Variants in EPHA6 observed in about 807,000 individuals in gnomAD.
EPHA6 encodes ephrin type-A receptor 6.
Under a neutral mutation model 112.0 loss-of-function variants are expected in EPHA6, and 50 were observed. The observed-to-expected ratio is 0.45, with a 90% CI of 0.36 to 0.56. The LOEUF is 0.56. Ranked by LOEUF, EPHA6 falls within the 20% of genes least tolerant of loss-of-function variation. EPHA6 has a pLI of 0.00. For synonymous variants in EPHA6, 529 were observed against 490.7 expected, an observed-to-expected ratio of 1.08 and a Z score of -1.03; for missense variants, 1,280 against 1,417.4, an observed-to-expected ratio of 0.90 and a Z score of 1.56.
chr3:97,353,666 C>A (rs1045987843), intron 5 of EPHA6, among the ~76,000 whole-genome samples: 4 of 152,158 alleles, frequency 2.6e-5, no homozygotes, highest in Non-Finnish European at 5.9e-5. Flanking sequence ...TCCCAGACAG[C>A]ATTTCTGGAC....
chr3:97,438,844 C>A (rs762432388), intron 6 of EPHA6, among the ~76,000 whole-genome samples: 3 of 152,010 alleles, frequency 2.0e-5, no homozygotes, highest in Non-Finnish European at 2.9e-5. Context: ...CAAGCTTGAC[C>A]CTTTGATATA....
rs142108713 is a variant in EPHA6, at chr3:96,817,481, G to C, written c.385+2473G>C. ...AAAGATAAATGTAAAATATAAATTTGATTTATTATACACATAAAAATAAAC... is the reference window on the plus strand; with the variant it reads ...AAAGATAAATGTAAAATATAAATTTCATTTATTATACACATAAAAATAAAC... On this transcript the variant is annotated intron_variant, in intron 1 of 17. Coordinates refer to ENST00000389672, the MANE Select transcript of EPHA6 (RefSeq NM_001080448.3). 5.4e-3 allele frequency among the ~76,000 whole-genome samples: 813 copies of C among 151,710 alleles called. 6 individuals are homozygous for C. The highest frequency in any genetic ancestry group is 0.018 in the African/African-American group (761 of 41,486).
chr3:97,304,283 G>C (rs764823550), intron 5 of EPHA6, among the ~76,000 whole-genome samples: 1 of 151,816 alleles, frequency 6.6e-6, no homozygotes, highest in Non-Finnish European at 1.5e-5. Flanking sequence ...ATACTATATT[G>C]AATAAGAGTA....
chr3:96,896,391 A>G (rs1207275422), intron 2 of EPHA6, among the ~76,000 whole-genome samples: 1 of 152,162 alleles, frequency 6.6e-6, no homozygotes, highest in Non-Finnish European at 1.5e-5. Context: ...CAGACTGCAC[A>G]GCACTTTCTT....
At chr3:97,291,901 C>G (rs1360922153) in intron 5 of EPHA6, among the ~76,000 whole-genome samples, 1 of 152,220 alleles carries the variant, frequency 6.6e-6, no homozygotes, top group South Asian at 2.1e-4. Flanking sequence ...TTTGCTTGTG[C>G]CTGCTGGACT....
At position 96,835,768 on chromosome 3, in the gene EPHA6, G is replaced by A. The variant is rs571095682; in HGVS notation, c.385+20760G>A. The stretch of plus-strand genomic sequence containing the variant: ...TAAACAAGACTTGCAATGAATTTTG[G>A]ATACCTTTCTTCTTACTCTTGTGAA... On this transcript the variant is annotated intron_variant, in intron 1 of 17. Transcript: ENST00000389672. 7.5e-4 allele frequency among the ~76,000 whole-genome samples: 114 copies of A among 152,058 alleles called. 1 individual carries two copies. The highest frequency in any genetic ancestry group is 2.6e-3 in the African/African-American group (106 of 41,502).
At chr3:97,119,590 A>G (rs2047986309) in intron 3 of EPHA6, among the ~76,000 whole-genome samples, 1 of 152,004 alleles carries the variant, frequency 6.6e-6, no homozygotes, top group African/African-American at 2.4e-5. Context: ...GTAGCTTAAA[A>G]AGAAATGGAA....
At chr3:97,074,755 A>G (rs1401708563) in intron 3 of EPHA6, among the ~76,000 whole-genome samples, 4 of 152,080 alleles carry the variant, frequency 2.6e-5, no homozygotes, top group Non-Finnish European at 4.4e-5. Flanking sequence ...TGGAAACAAT[A>G]AAGCAGAGTT....
chr3:97,135,685 CA>C (rs1446926497), intron 3 of EPHA6, among the ~76,000 whole-genome samples: 1 of 151,026 alleles, frequency 6.6e-6, no homozygotes, highest in Non-Finnish European at 1.5e-5. Context: ...CGGTGATGCC[CA>C]TACTGCTGGT....
chr3:97,459,762 C>G (rs2107377013), intron 7 of EPHA6, among the ~76,000 whole-genome samples: 1 of 152,262 alleles, frequency 6.6e-6, no homozygotes, highest in African/African-American at 2.4e-5. Context: ...TCCAAATTCC[C>G]TAGAGACGAT....
intron 2 of EPHA6, among the ~76,000 whole-genome samples, chr3:96,978,615 T>G (rs1196767967): frequency 6.6e-6 from 1 of 152,066 alleles, no homozygotes; most frequent in African/African-American, 2.4e-5. Context: ...CTGTTTTGAG[T>G]GTTTTGGTAC....
intron 14 of EPHA6, among the ~76,000 whole-genome samples, chr3:97,698,289 G>A (rs974064500): frequency 2.0e-5 from 3 of 152,086 alleles, no homozygotes; most frequent in South Asian, 4.1e-4. Flanking sequence ...GTGAGCCGTC[G>A]TGACCGGCAG....
chr3:96,870,626 T>G (rs752706310), intron 2 of EPHA6, among the ~76,000 whole-genome samples: 1 of 152,100 alleles, frequency 6.6e-6, no homozygotes, highest in Non-Finnish European at 1.5e-5. Context: ...AAATTAACCA[T>G]CACAGTTAGG....
At position 97,672,409 on chromosome 3, in the gene EPHA6, G is replaced by C. The variant is rs963270344; in HGVS notation, c.2784+34327G>C. 2.0e-5 allele frequency among the ~76,000 whole-genome samples: 3 copies of C among 152,100 alleles called. No individual in the cohort carries two copies. In the East Asian group the frequency reaches 5.8e-4, roughly 29 times the overall value. On this transcript the variant is annotated intron_variant, in intron 14 of 17. Coordinates refer to ENST00000389672, the MANE Select transcript of EPHA6 (RefSeq NM_001080448.3). The stretch of plus-strand genomic sequence containing the variant: ...TTAGTTCTGAAAAATTAGTGGTTTT[G>C]TTGGCTTTTAAGACCAAGAGTTTAT...
chr3:96,937,787 A>C (rs1357249197), intron 2 of EPHA6, among the ~76,000 whole-genome samples: 1 of 152,108 alleles, frequency 6.6e-6, no homozygotes, highest in African/African-American at 2.4e-5. Context: ...TTTTTGTATA[A>C]GGTGTAAGGA....
intron 16 of EPHA6, among the ~76,000 whole-genome samples, chr3:97,744,329 TATC>T (rs1174068481): frequency 1.3e-5 from 2 of 152,172 alleles, no homozygotes; most frequent in East Asian, 3.9e-4. Flanking sequence ...AGACTAAATT[TATC>T]ATTGTACATG....
chr3:97,517,745 C>T (rs1001685642), intron 10 of EPHA6, among the ~76,000 whole-genome samples: 1 of 152,048 alleles, frequency 6.6e-6, no homozygotes, highest in East Asian at 1.9e-4. Flanking sequence ...TTCCCTTTCC[C>T]CACCGGTGCC....
At chr3:96,899,900 A>T (rs1042557164) in intron 2 of EPHA6, among the ~76,000 whole-genome samples, 2 of 152,102 alleles carry the variant, frequency 1.3e-5, no homozygotes, top group African/African-American at 4.8e-5. Context: ...TGTGACCTCT[A>T]ACAGCCTTAT....
intron 5 of EPHA6, among the ~76,000 whole-genome samples, chr3:97,250,325 A>G (rs147333933): frequency 6.6e-6 from 1 of 152,332 alleles, no homozygotes; most frequent in Non-Finnish European, 1.5e-5. Flanking sequence ...ATACATTGCT[A>G]AAGAAATGTG....
Sources: allele counts gnomAD v4.1 joint callset (sites outside exome capture counted in the v4.1 genomes callset), GRCh38; gene constraint gnomAD v4.1.1; transcripts MANE v1.5; gene names NCBI Gene and HGNC (gene_info 2026-07-23, HGNC 2026-07-21).